MACROD2: variants seen among roughly 807,000 people sequenced by gnomAD.
MACROD2 encodes the protein mono-ADP ribosylhydrolase 2, also known as ADP-ribose glycohydrolase MACROD2.
Under a neutral mutation model 70.4 loss-of-function variants are expected in MACROD2, and 36 were observed. The ratio of observed to expected loss-of-function variants is 0.51; its 90% confidence interval spans 0.39 to 0.68. The LOEUF (loss-of-function observed/expected upper bound fraction) is 0.68. Among genes scored for constraint, MACROD2 ranks in the 30% least tolerant of loss-of-function variants. MACROD2 has a pLI of 0.00. For synonymous variants in MACROD2, 172 were observed against 178.8 expected (o/e 0.96, Z 0.30); for missense variants, 496 against 538.4 (o/e 0.92, Z 0.78).
intron 2 of MACROD2, among the ~76,000 whole-genome samples, chr20:14,076,486 C>A (rs928957104): frequency 7.4e-5 from 11 of 149,492 alleles, no homozygotes; most frequent in African/African-American, 2.7e-4. Flanking sequence ...CCCATCTCTA[C>A]CAAAAAAAAA....
At chr20:15,351,643 G>C (rs1384440716) in intron 6 of MACROD2, among the ~76,000 whole-genome samples, 1 of 152,152 alleles carries the variant, frequency 6.6e-6, no homozygotes, top group Non-Finnish European at 1.5e-5. Flanking sequence ...TGAGCTCCGT[G>C]AGTCCTACTA....
intron 3 of MACROD2, among the ~76,000 whole-genome samples, chr20:14,226,679 C>T (rs2081738592): frequency 6.6e-6 from 1 of 152,144 alleles, no homozygotes; most frequent in Non-Finnish European, 1.5e-5. Flanking sequence ...TGTACTGGGT[C>T]CCCCAGCAGT....
intron 6 of MACROD2, among the ~76,000 whole-genome samples, chr20:15,415,338 T>C (rs190772099): frequency 6.6e-6 from 1 of 152,356 alleles, no homozygotes; most frequent in East Asian, 1.9e-4. Context: ...GTCTAATCAT[T>C]GGCTTCTTAC....
At chr20:14,456,847 G>A (rs2084308855) in intron 3 of MACROD2, among the ~76,000 whole-genome samples, 1 of 150,470 alleles carries the variant, frequency 6.6e-6, no homozygotes, top group African/African-American at 2.5e-5. Context: ...CTCCCGAGTA[G>A]CTGGGACTAC....
intron 5 of MACROD2, among the ~76,000 whole-genome samples, chr20:14,803,214 C>T (rs1175613678): frequency 6.6e-6 from 1 of 152,058 alleles, no homozygotes; most frequent in African/African-American, 2.4e-5. Context: ...AAGTGGAGAC[C>T]ATGATTTGAA....
At chr20:14,118,509 T>G (rs144642432) in intron 3 of MACROD2, among the ~76,000 whole-genome samples, 1 of 152,322 alleles carries the variant, frequency 6.6e-6, no homozygotes, top group East Asian at 1.9e-4. Context: ...ACTAAACCAT[T>G]CTTTTTGATG....
At chr20:15,491,113 G>A (rs983726116) in intron 7 of MACROD2, among the ~76,000 whole-genome samples, 1 of 152,094 alleles carries the variant, frequency 6.6e-6, no homozygotes, top group Non-Finnish European at 1.5e-5. Flanking sequence ...AACAGCAGCG[G>A]CACTAGCAGC....
intron 8 of MACROD2, among the ~76,000 whole-genome samples, chr20:15,743,955 G>A (rs1293005420): frequency 6.6e-6 from 1 of 152,070 alleles, no homozygotes; most frequent in Non-Finnish European, 1.5e-5. Context: ...TACCCCAGGA[G>A]AAAAACTAGA....
Position 16,053,126 on chromosome 20 carries a change from C to T in MACROD2, c.*3250C>T. Reference sequence around the variant, plus strand: ...TTCATCTGTGCCATACACTAAAAAACAACTGTTGCCTTCATACTATATTTG... The same window carrying T: ...TTCATCTGTGCCATACACTAAAAAATAACTGTTGCCTTCATACTATATTTG... On this transcript the variant is annotated 3_prime_UTR_variant, in exon 18 of 18. Transcript: ENST00000684519. 6.6e-6 allele frequency: 1 copy of T among 152,286 alleles called. No individual in the cohort carries two copies. 9.4% of individuals were successfully genotyped at this position (152,286 alleles called of 1,614,324 possible).
chr20:15,388,001 A>G (rs564254794), intron 6 of MACROD2, among the ~76,000 whole-genome samples: 3 of 152,140 alleles, frequency 2.0e-5, no homozygotes, highest in Admixed American at 2.0e-4. Context: ...TCTTCCTGTC[A>G]TGGCCTCCCA....
rs76023372 is a variant in MACROD2 at position 15,329,732 on chromosome 20, T to C, written c.540+99671T>C. Among the ~76,000 whole-genome samples, 678 of 152,192 alleles carry C rather than the reference T, an allele frequency of 4.5e-3. 9 individuals are homozygous for C. The highest frequency in any genetic ancestry group is 0.015 in the African/African-American group (637 of 41,556). The stretch of plus-strand genomic sequence containing the variant: ...AGTCTAGCTTCTATGCTAGTGGTTC[T>C]CAAAGGGGGCTTAAACTTGTTAGTA... On this transcript the variant is annotated intron_variant, in intron 6 of 17. Coordinates refer to ENST00000684519, the MANE Select transcript of MACROD2 (RefSeq NM_001351661.2).
chr20:14,481,907 A>G (rs1383302631), intron 3 of MACROD2, among the ~76,000 whole-genome samples: 1 of 152,230 alleles, frequency 6.6e-6, no homozygotes, highest in Non-Finnish European at 1.5e-5. Flanking sequence ...GATGCTTAGA[A>G]AATTGTCTTC....
At chr20:14,453,448 C>G (rs1490952455) in intron 3 of MACROD2, among the ~76,000 whole-genome samples, 1 of 152,098 alleles carries the variant, frequency 6.6e-6, no homozygotes, top group Non-Finnish European at 1.5e-5. Context: ...TTCATCTCAT[C>G]TGACTATATA....
chr20:14,105,238 AG>A (rs376096024), intron 3 of MACROD2, among the ~76,000 whole-genome samples: 46 of 152,326 alleles, frequency 3.0e-4, no homozygotes, highest in African/African-American at 8.7e-4. Flanking sequence ...TATTGCTGAA[AG>A]ATGCACTGAC....
intron 3 of MACROD2, among the ~76,000 whole-genome samples, chr20:14,090,842 C>T (rs138884430): frequency 6.6e-6 from 1 of 152,274 alleles, no homozygotes; most frequent in African/African-American, 2.4e-5. Context: ...ATGGTGTTTT[C>T]CTCTGTTAAC....
At chr20:14,142,508 G>A (rs1293412584) in intron 3 of MACROD2, among the ~76,000 whole-genome samples, 1 of 152,166 alleles carries the variant, frequency 6.6e-6, no homozygotes, top group Non-Finnish European at 1.5e-5. Context: ...GAGCTAGCAT[G>A]TCTGGCTTGT....
chr20:15,275,620 G>A (rs1223530319), intron 6 of MACROD2, among the ~76,000 whole-genome samples: 1 of 152,188 alleles, frequency 6.6e-6, no homozygotes, highest in Admixed American at 6.5e-5. Context: ...ATTCAAGACT[G>A]TAATTTCTAG....
At chr20:14,104,121 T>A (rs1019474853) in intron 3 of MACROD2, among the ~76,000 whole-genome samples, 1 of 152,228 alleles carries the variant, frequency 6.6e-6, no homozygotes, top group Admixed American at 6.5e-5. Context: ...AGAGTATATA[T>A]TTCCCTAAAC....
intron 5 of MACROD2, among the ~76,000 whole-genome samples, chr20:14,785,665 A>G (rs373215173): frequency 2.6e-4 from 39 of 152,192 alleles, no homozygotes; most frequent in East Asian, 1.2e-3. Flanking sequence ...ACTTAAAGTC[A>G]ACGTAGTATT....
Sources: gnomAD v4.1 joint callset for allele counts (sites outside exome capture counted in the v4.1 genomes callset) on GRCh38, gnomAD v4.1.1 for gene constraint, MANE v1.5 for transcripts, NCBI Gene and HGNC (gene_info 2026-07-23, HGNC 2026-07-21) for gene names.